Variants in USP42 observed in about 807,000 individuals in gnomAD.
USP42 encodes ubiquitin carboxyl-terminal hydrolase 42.
Under a neutral mutation model 113.0 loss-of-function variants are expected in USP42, and 23 were observed. That is an observed-to-expected ratio of 0.20 (90% CI 0.15 to 0.29). The LOEUF (loss-of-function observed/expected upper bound fraction) is 0.29. USP42 is among the 10% of genes least tolerant of loss of function. The pLI is 1.00. For missense variants in USP42, 2,174 were observed against 1,779.8 expected, an observed-to-expected ratio of 1.22 and a Z score of -3.99; for synonymous variants, 933 against 699.0, an observed-to-expected ratio of 1.33 and a Z score of -5.28.
chr7:6,105,421 G>A (rs1307621374), intron 1 of USP42, among the ~76,000 whole-genome samples: 2 of 149,390 alleles, frequency 1.3e-5, no homozygotes, highest in Admixed American at 6.6e-5. Context: ...GGCGGCCGGG[G>A]TGGGCGTGTG....
At chr7:6,143,529 G>T (rs1781542741) in intron 8 of USP42, among the ~76,000 whole-genome samples, 1 of 152,052 alleles carries the variant, frequency 6.6e-6, no homozygotes, top group Non-Finnish European at 1.5e-5. Context: ...TTTTAAGAAA[G>T]CTCTTTTGTA....
At chr7:6,105,133 CGCGGCCCGCCGGGGGCTGGT>C (rs1779187520) in intron 1 of USP42, 101 bp downstream of exon 1, 1 of 146,458 alleles carries the variant, frequency 6.8e-6, no homozygotes, top group African/African-American at 2.5e-5. Context: ...CCTCAGCCGG[CGCGGCCCGCCGGGGGCTGGT>C]GCGGCCCCTC....
intron 12 of USP42, among the ~76,000 whole-genome samples, chr7:6,149,065 T>C (rs1270105903): frequency 6.6e-6 from 1 of 152,168 alleles, no homozygotes; most frequent in Non-Finnish European, 1.5e-5. Context: ...GCAGCAGCCA[T>C]GGGGGAACCT....
chr7:6,100,259 C>G (rs1444045933), upstream of USP42, among the ~76,000 whole-genome samples: 8 of 150,842 alleles, frequency 5.3e-5, no homozygotes, highest in Non-Finnish European at 1.2e-4. Context: ...ACTAGTCCCC[C>G]TAGATGGGCG....
intron 2 of USP42, among the ~76,000 whole-genome samples, chr7:6,114,658 A>ATATG (rs1362656829): frequency 2.3e-5 from 1 of 42,696 alleles, no homozygotes; most frequent in East Asian, 2.0e-3. Flanking sequence ...GTGTGTGTGT[A>ATATG]TATATATATA....
At chr7:6,111,514 C>A in intron 2 of USP42, 140 bp downstream of exon 2, 1 of 961,640 alleles carries the variant, frequency 1.0e-6, no homozygotes, top group South Asian at 1.8e-5. Flanking sequence ...ACTTGATGGG[C>A]TTTGTTTTCC....
intron 3 of USP42, among the ~76,000 whole-genome samples, chr7:6,125,726 G>C (rs750746502): frequency 6.6e-6 from 1 of 151,256 alleles, no homozygotes; most frequent in Non-Finnish European, 1.5e-5. Flanking sequence ...TATGTATTCA[G>C]ATTTCCATTT....
chr7:6,144,213 AT>A lies in USP42; in HGVS notation c.990+19del. The A allele has an allele frequency of 6.6e-7, 1 of 1,505,718 alleles. No homozygotes were observed. The highest frequency in any genetic ancestry group is 9.1e-7 in the Non-Finnish European group (1 of 1,102,456). 93.3% of individuals were successfully genotyped at this position (1,505,718 alleles called of 1,614,324 possible). On this transcript the variant is annotated intron_variant, in intron 9 of 17. Coordinates refer to ENST00000306177, the MANE Select transcript of USP42 (RefSeq NM_032172.3). Reference sequence around the variant, plus strand: ...ATTGCTAAGGTATGTGGATGATGTCATTAATCATGTTTTATGTCGAGCCTTT... The same window carrying A: ...ATTGCTAAGGTATGTGGATGATGTCATAATCATGTTTTATGTCGAGCCTTT...
chr7:6,082,559 C>G, the USP42 span, among the ~76,000 whole-genome samples: 2 of 149,422 alleles, frequency 1.3e-5, no homozygotes, highest in Non-Finnish European at 2.9e-5. Flanking sequence ...TCAAGACCAG[C>G]CAGGGCAACA....
chr7:6,105,537 C>T (rs1779230460), intron 1 of USP42, among the ~76,000 whole-genome samples: 1 of 151,280 alleles, frequency 6.6e-6, no homozygotes, highest in Non-Finnish European at 1.5e-5. Context: ...CCGGCCTCCC[C>T]GCCCCCACTG....
At chr7:6,108,821 G>C (rs756951530) in intron 1 of USP42, among the ~76,000 whole-genome samples, 1 of 152,196 alleles carries the variant, frequency 6.6e-6, no homozygotes, top group African/African-American at 2.4e-5. Flanking sequence ...TTCTACTCCA[G>C]AGTTTTTTAA....
At chr7:6,124,838 G>T (rs1164240744) in intron 3 of USP42, among the ~76,000 whole-genome samples, 7 of 150,950 alleles carry the variant, frequency 4.6e-5, no homozygotes, top group African/African-American at 7.3e-5. Context: ...TTTTCATGGT[G>T]GTTACTTTAG....
chr7:6,133,371 T>C (rs930087163), intron 3 of USP42, among the ~76,000 whole-genome samples: 3 of 152,162 alleles, frequency 2.0e-5, no homozygotes, highest in Non-Finnish European at 2.9e-5. Context: ...GTATGCTGTG[T>C]TGTTGTTGTT....
At position 6,157,202 on chromosome 7, in the gene USP42, C is replaced by G. The variant is rs1266055136; in HGVS notation, c.3943+147C>G. On this transcript the variant is annotated intron_variant, in intron 16 of 17. Coordinates refer to ENST00000306177, the MANE Select transcript of USP42 (RefSeq NM_032172.3). This position sits in a 1 kb window ranked among gnomAD's most constrained non-coding sequence, Gnocchi z 4.1. Reference sequence around the variant, plus strand: ...GCACCCCTGCCCTGCCTGGTCTGGCCTCAGTGCTCATCCCTGCAGTGTGGT... The same window carrying G: ...GCACCCCTGCCCTGCCTGGTCTGGCGTCAGTGCTCATCCCTGCAGTGTGGT... 18 of 1,428,820 alleles carry G rather than the reference C, an allele frequency of 1.3e-5. No homozygotes were observed. The highest frequency in any genetic ancestry group is 1.6e-5 in the Non-Finnish European group (18 of 1,096,686). 88.5% of individuals were successfully genotyped at this position (1,428,820 alleles called of 1,614,324 possible).
chr7:6,096,928 TTTTC>T, the USP42 span, among the ~76,000 whole-genome samples: 7 of 91,454 alleles, frequency 7.7e-5, no homozygotes, highest in African/African-American at 3.6e-4. Flanking sequence ...TCTTTCTTTC[TTTTC>T]TTTTTTTTTT....
At chr7:6,116,924 C>G (rs750188175) in intron 3 of USP42, 1 of 506,850 alleles carries the variant, frequency 2.0e-6, no homozygotes, top group Admixed American at 2.3e-5. Flanking sequence ...CAGAAGCTCC[C>G]GATGTCCAGA....
At chr7:6,152,442 T>G (rs373034123) in intron 14 of USP42, among the ~76,000 whole-genome samples, 2,010 of 152,320 alleles carry the variant, frequency 0.013, 25 homozygotes, top group Middle Eastern at 0.061. Context: ...CACTCACCTG[T>G]GGGGGTGCTG....
intron 14 of USP42, among the ~76,000 whole-genome samples, chr7:6,152,011 A>T (rs1348707941): frequency 6.6e-6 from 1 of 152,166 alleles, no homozygotes; most frequent in African/African-American, 2.4e-5. Context: ...AATTATAGAT[A>T]ATAAAACCTG....
rs1583646306 is a variant in USP42 at position 6,139,521 on chromosome 7, C to T, written c.656+327C>T. Reference sequence around the variant, plus strand: ...GCTTCTCCTTTCTAGTTGTGCCTGACATTTTCTTTTCTCTGCTGCCCTCCA... The same window carrying T: ...GCTTCTCCTTTCTAGTTGTGCCTGATATTTTCTTTTCTCTGCTGCCCTCCA... On this transcript the variant is annotated intron_variant, in intron 5 of 17. Coordinates refer to ENST00000306177, the MANE Select transcript of USP42 (RefSeq NM_032172.3). The surrounding 1 kb of genome is among the most constrained non-coding windows in gnomAD (Gnocchi z 4.5). 2 of 221,654 alleles carry T rather than the reference C, an allele frequency of 9.0e-6. No individual in the cohort carries two copies. The highest frequency in any genetic ancestry group is 2.4e-4 in the East Asian group (2 of 8,292). 13.7% of individuals were successfully genotyped at this position (221,654 alleles called of 1,614,324 possible). A position where few individuals can be genotyped will look rare whatever the true frequency, so the allele number is the denominator to read the frequency against.
Sources: gnomAD v4.1 joint callset for allele counts (sites outside exome capture counted in the v4.1 genomes callset) on GRCh38, gnomAD v4.1.1 for gene constraint, Gnocchi (gnomAD v3.1) non-coding constraint, MANE v1.5 for transcripts, NCBI Gene and HGNC (gene_info 2026-07-23, HGNC 2026-07-21) for gene names.